The following AUTS2 variants were observed in gnomAD, a reference collection of about 807,000 sequenced individuals.
AUTS2 encodes the protein autism susceptibility gene 2 protein.
Under a neutral mutation model 112.4 loss-of-function variants are expected in AUTS2, and 17 were observed. The observed-to-expected ratio is 0.15, with a 90% CI of 0.10 to 0.23. AUTS2 has a LOEUF of 0.23. Among genes scored for constraint, AUTS2 ranks in the 10% least tolerant of loss-of-function variants. The pLI is 1.00. For missense variants in AUTS2, 1,510 were observed against 1,701.6 expected (o/e 0.89, Z 1.98); for synonymous variants, 751 against 702.7 (o/e 1.07, Z -1.09).
At chr7:69,689,639 CTTTTATTTATTT>C (rs771642726) in intron 1 of AUTS2, among the ~76,000 whole-genome samples, 1 of 133,746 alleles carries the variant, frequency 7.5e-6, no homozygotes, top group South Asian at 2.5e-4. Flanking sequence ...CGCACCCGGC[CTTTTATTTATTT>C]ATTTATTTAT....
At chr7:69,684,107 A>G (rs1796946612) in intron 1 of AUTS2, among the ~76,000 whole-genome samples, 1 of 152,200 alleles carries the variant, frequency 6.6e-6, no homozygotes, top group Non-Finnish European at 1.5e-5. Context: ...TTCTTAGGGC[A>G]TGATGAAGAC....
intron 2 of AUTS2, among the ~76,000 whole-genome samples, chr7:70,045,682 C>T (rs1345786193): frequency 6.6e-6 from 1 of 151,618 alleles, no homozygotes; most frequent in Non-Finnish European, 1.5e-5. Flanking sequence ...AATCTCGGCT[C>T]ACTGCAACCT....
chr7:69,695,819 G>GATACCC (rs1469050525), intron 1 of AUTS2, among the ~76,000 whole-genome samples: 3 of 152,200 alleles, frequency 2.0e-5, no homozygotes, highest in Admixed American at 2.0e-4. Context: ...TCTTGAAACT[G>GATACCC]GGTATGGAAA....
rs547987925 is a variant in AUTS2, at chr7:70,414,952, C to T, written c.661-20800C>T. 3.9e-5 allele frequency among the ~76,000 whole-genome samples: 6 copies of T among 152,306 alleles called. No homozygotes were observed. In the East Asian group the frequency reaches 1.2e-3, roughly 29 times the overall value. On this transcript the variant is annotated intron_variant, in intron 4 of 18. Coordinates refer to ENST00000342771, the MANE Select transcript of AUTS2 (RefSeq NM_015570.4). Reference sequence around the variant, plus strand: ...CAGTGGATCCAAAGTTGGTGGGCTTCAGTTTGGGAGCAAAGAGCTCACTGT... The same window carrying T: ...CAGTGGATCCAAAGTTGGTGGGCTTTAGTTTGGGAGCAAAGAGCTCACTGT...
intron 5 of AUTS2, among the ~76,000 whole-genome samples, chr7:70,639,527 A>T (rs1585418956): frequency 7.0e-6 from 1 of 142,638 alleles, no homozygotes; most frequent in African/African-American, 2.6e-5. Context: ...GTGAGGCAGG[A>T]GGATTGCTTA....
chr7:69,651,975 A>G (rs1429347048), intron 1 of AUTS2, among the ~76,000 whole-genome samples: 1 of 152,152 alleles, frequency 6.6e-6, no homozygotes, highest in African/African-American at 2.4e-5. Flanking sequence ...TTATTGTTCA[A>G]AGTCCCCACT....
At chr7:70,696,666 T>C (rs536180067) in intron 5 of AUTS2, among the ~76,000 whole-genome samples, 1 of 145,230 alleles carries the variant, frequency 6.9e-6, no homozygotes, top group African/African-American at 2.5e-5. Flanking sequence ...TTCTGTCCTT[T>C]TCACTCGAAC....
chr7:70,586,184 C>T (rs1001425256), intron 5 of AUTS2, among the ~76,000 whole-genome samples: 1 of 151,978 alleles, frequency 6.6e-6, no homozygotes, highest in Non-Finnish European at 1.5e-5. Flanking sequence ...TTAAAACACT[C>T]GAAACAATGC....
At chr7:69,970,264 T>C (rs1254883930) in intron 2 of AUTS2, among the ~76,000 whole-genome samples, 2 of 152,182 alleles carry the variant, frequency 1.3e-5, no homozygotes, top group Non-Finnish European at 2.9e-5. Context: ...CTGAGCAATT[T>C]CCTTTTTGGT....
intron 5 of AUTS2, among the ~76,000 whole-genome samples, chr7:70,615,602 T>G (rs200392767): frequency 2.0e-5 from 3 of 146,834 alleles, no homozygotes; most frequent in East Asian, 4.2e-4. Flanking sequence ...GTTGTTGTTG[T>G]TGGAAAAGCA....
chr7:69,702,013 T>C lies in AUTS2; in HGVS notation c.309+102051T>C, dbSNP rs988853978. ...GTTCAGATCACATACTTCTAGGGCA[T>C]CAGAGCTAGAAGGAACATGAGATCA... On this transcript the variant is annotated intron_variant, in intron 1 of 18. Coordinates refer to ENST00000342771, the MANE Select transcript of AUTS2 (RefSeq NM_015570.4). Among the ~76,000 whole-genome samples, 18 of 152,206 alleles carry C rather than the reference T, an allele frequency of 1.2e-4. 1 individual carries two copies. The highest frequency in any genetic ancestry group is 1.0e-3 in the Admixed American group (16 of 15,282).
intron 1 of AUTS2, among the ~76,000 whole-genome samples, chr7:69,888,344 A>G (rs144796330): frequency 6.6e-6 from 1 of 151,384 alleles, no homozygotes; most frequent in Non-Finnish European, 1.5e-5. Flanking sequence ...CAGAGGTCGC[A>G]TGATGAGAGA....
intron 6 of AUTS2, among the ~76,000 whole-genome samples, chr7:70,711,774 G>A (rs766040385): frequency 2.0e-5 from 3 of 152,134 alleles, no homozygotes; most frequent in African/African-American, 7.2e-5. Context: ...GGGGGAGGGC[G>A]GGAGCCACGC....
intron 2 of AUTS2, among the ~76,000 whole-genome samples, chr7:70,101,097 C>T (rs976790510): frequency 5.9e-5 from 9 of 151,994 alleles, no homozygotes; most frequent in Non-Finnish European, 1.3e-4. Flanking sequence ...AGGCTGGTCT[C>T]GAACTCCTGA....
At chr7:70,138,458 C>T (rs906113857) in intron 4 of AUTS2, among the ~76,000 whole-genome samples, 1 of 152,196 alleles carries the variant, frequency 6.6e-6, no homozygotes, top group Non-Finnish European at 1.5e-5. Flanking sequence ...GAAGTACAGC[C>T]TTACTTTTTT....
chr7:70,003,222 T>C (rs960332195), intron 2 of AUTS2, among the ~76,000 whole-genome samples: 4 of 134,354 alleles, frequency 3.0e-5, no homozygotes, highest in African/African-American at 5.5e-5. Context: ...ATATTATATA[T>C]GAATATATTA....
chr7:70,047,125 T>C (rs1053349165), intron 2 of AUTS2, among the ~76,000 whole-genome samples: 1 of 152,228 alleles, frequency 6.6e-6, no homozygotes, highest in East Asian at 1.9e-4. Context: ...GATGTCTAGA[T>C]GAAATTACCC....
intron 2 of AUTS2, among the ~76,000 whole-genome samples, chr7:70,022,525 T>C (rs976599967): frequency 4.6e-5 from 7 of 152,112 alleles, no homozygotes; most frequent in African/African-American, 1.7e-4. Flanking sequence ...TTTACCATGT[T>C]GGCCAGGCTG....
intron 2 of AUTS2, among the ~76,000 whole-genome samples, chr7:69,993,759 G>GTCTGTCTCTCTCCCTCTCTCTC (rs1798833846): frequency 6.6e-6 from 1 of 151,906 alleles, no homozygotes; most frequent in Non-Finnish European, 1.5e-5. Context: ...GTCTCTGTCT[G>GTCTGTCTCTCTCCCTCTCTCTC]TCTGTCTCTC....
Sources: allele counts gnomAD v4.1 joint callset (sites outside exome capture counted in the v4.1 genomes callset), GRCh38; gene constraint gnomAD v4.1.1; transcripts MANE v1.5; gene names NCBI Gene and HGNC (gene_info 2026-07-23, HGNC 2026-07-21).